ZDHHC14: variants seen among roughly 807,000 people sequenced by gnomAD.
The protein encoded by ZDHHC14 is palmitoyltransferase ZDHHC14.
Under a neutral mutation model 47.7 loss-of-function variants are expected in ZDHHC14, and 16 were observed. That is an observed-to-expected ratio of 0.34 (90% confidence interval 0.23 to 0.51). The LOEUF is 0.51. Among genes scored for constraint, ZDHHC14 ranks in the 20% least tolerant of loss-of-function variants. ZDHHC14 has a pLI of 0.97. For synonymous variants in ZDHHC14, 293 were observed against 278.9 expected, an observed-to-expected ratio of 1.05 and a Z score of -0.50; for missense variants, 515 against 662.5, an observed-to-expected ratio of 0.78 and a Z score of 2.44.
chr6:157,581,358 G>A lies in ZDHHC14; in HGVS notation c.407-11630G>A, dbSNP rs375689745. Among the ~76,000 whole-genome samples the A allele has an allele frequency of 7.3e-5, 11 of 151,706 alleles. No homozygotes were observed. The East Asian group carries it at 1.8e-3, about 24-fold the overall frequency. On this transcript the variant is annotated intron_variant, in intron 2 of 8. Coordinates refer to ENST00000359775, the MANE Select transcript of ZDHHC14 (RefSeq NM_024630.3). ...GTCTGATTGTGTGGTCAATTTAAGA[G>A]TACGTGCTATGTGGCAATCAGAAGA... is the stretch of plus-strand genomic sequence containing the variant.
At chr6:157,568,819 C>G (rs149455154) in intron 2 of ZDHHC14, among the ~76,000 whole-genome samples, 3,218 of 152,150 alleles carry the variant, frequency 0.021, 117 homozygotes, top group African/African-American at 0.073. Context: ...AACTTTTGAC[C>G]TCGCTTGTTT....
At chr6:157,630,727 A>C (rs542713106) in intron 4 of ZDHHC14, 1 of 146,740 alleles carries the variant, frequency 6.8e-6, no homozygotes, top group Admixed American at 6.8e-5. Context: ...ACACCCACAC[A>C]CCGCCTTACA....
chr6:157,522,954 C>T (rs1257860186), intron 1 of ZDHHC14, among the ~76,000 whole-genome samples: 74 of 47,194 alleles, frequency 1.6e-3, no homozygotes, highest in African/African-American at 0.011. Flanking sequence ...TCCTTCCTTC[C>T]TTCCTTCTTT....
intron 1 of ZDHHC14, among the ~76,000 whole-genome samples, chr6:157,455,550 G>A (rs1019506953): frequency 2.0e-5 from 3 of 152,164 alleles, no homozygotes; most frequent in South Asian, 2.1e-4. Flanking sequence ...CCCTGATGCC[G>A]CCGGCCTTTG....
At chr6:157,460,954 TG>T (rs959366523) in intron 1 of ZDHHC14, among the ~76,000 whole-genome samples, 2 of 152,198 alleles carry the variant, frequency 1.3e-5, no homozygotes, top group Non-Finnish European at 2.9e-5. Flanking sequence ...TATTTTTTCC[TG>T]TATAGGACAA....
At chr6:157,640,258 G>A (rs553060878) in intron 5 of ZDHHC14, among the ~76,000 whole-genome samples, 42 of 152,204 alleles carry the variant, frequency 2.8e-4, no homozygotes, top group Non-Finnish European at 5.1e-4. Flanking sequence ...CTCTTAAAAT[G>A]TGGAGAGTTT....
intron 1 of ZDHHC14, among the ~76,000 whole-genome samples, chr6:157,407,569 A>G (rs1201032030): frequency 3.3e-5 from 5 of 152,164 alleles, no homozygotes; most frequent in African/African-American, 1.2e-4. Flanking sequence ...GCCCAAACCA[A>G]GGCACTTTTC....
At chr6:157,650,667 AAG>A (rs1257997188) in intron 7 of ZDHHC14, among the ~76,000 whole-genome samples, 3 of 110,748 alleles carry the variant, frequency 2.7e-5, no homozygotes, top group African/African-American at 8.2e-5. Context: ...GAGAGAGAGC[AAG>A]AGAGAGCACG....
chr6:157,609,408 G>A (rs571710347), intron 3 of ZDHHC14, among the ~76,000 whole-genome samples: 21 of 152,228 alleles, frequency 1.4e-4, no homozygotes, highest in Non-Finnish European at 2.8e-4. Flanking sequence ...TTTGTGTAGG[G>A]TGATGGCCAC....
intron 1 of ZDHHC14, among the ~76,000 whole-genome samples, chr6:157,507,060 A>T (rs1433028302): frequency 1.3e-5 from 2 of 152,036 alleles, no homozygotes; most frequent in Admixed American, 6.5e-5. Flanking sequence ...ATATGTATGT[A>T]CTTCTCTCTT....
In ZDHHC14 at chr6:157,586,351, G is replaced by A. The variant is rs192513884; in HGVS notation, c.407-6637G>A. Among the ~76,000 whole-genome samples the A allele has an allele frequency of 2.6e-4, 40 of 152,316 alleles. No individual in the cohort carries two copies. The highest frequency in any genetic ancestry group is 1.1e-3 in the Admixed American group (17 of 15,304). ...GCCCTCAAAGGATAGGATTATCTGCGCAGACAGCAGGAGAGGGAATCCCGA... is the reference window on the plus strand; with the variant it reads ...GCCCTCAAAGGATAGGATTATCTGCACAGACAGCAGGAGAGGGAATCCCGA... On this transcript the variant is annotated intron_variant, in intron 2 of 8. Coordinates refer to ENST00000359775, the MANE Select transcript of ZDHHC14 (RefSeq NM_024630.3). This position sits in a 1 kb window ranked among gnomAD's most constrained non-coding sequence, Gnocchi z 4.6.
chr6:157,640,396 A>G (rs982342102), intron 5 of ZDHHC14, among the ~76,000 whole-genome samples: 3 of 152,128 alleles, frequency 2.0e-5, no homozygotes, highest in Non-Finnish European at 4.4e-5. Flanking sequence ...CCTAATACAC[A>G]TGGTCTGTTT....
intron 1 of ZDHHC14, among the ~76,000 whole-genome samples, chr6:157,495,066 T>A (rs113987571): frequency 0.19 from 29,494 of 151,972 alleles, 3,403 homozygotes; most frequent in African/African-American, 0.31. Context: ...TTTGGGATTT[T>A]TTTTTTTATT....
chr6:157,485,680 ATT>A (rs199734094), intron 1 of ZDHHC14, among the ~76,000 whole-genome samples: 27 of 143,830 alleles, frequency 1.9e-4, no homozygotes, highest in African/African-American at 4.6e-4. Flanking sequence ...CCTATTTCTG[ATT>A]TTTTTTTTTT....
chr6:157,649,261 G>A (rs975913180), intron 7 of ZDHHC14, among the ~76,000 whole-genome samples: 4 of 152,218 alleles, frequency 2.6e-5, no homozygotes, highest in Non-Finnish European at 4.4e-5. Flanking sequence ...AAGCGGTGTG[G>A]GGCAGCACTG....
intron 2 of ZDHHC14, among the ~76,000 whole-genome samples, chr6:157,567,160 G>T (rs1183217047): frequency 2.0e-5 from 3 of 152,020 alleles, no homozygotes; most frequent in African/African-American, 7.2e-5. Flanking sequence ...CCTAACAAGG[G>T]GGTTTTATTA....
chr6:157,469,392 C>T (rs919655228), intron 1 of ZDHHC14, among the ~76,000 whole-genome samples: 5 of 152,202 alleles, frequency 3.3e-5, no homozygotes, highest in African/African-American at 1.2e-4. Context: ...CAGTTGTGCC[C>T]TAGGTACTCC....
At chr6:157,668,699 C>CA (rs200540736) in intron 8 of ZDHHC14, among the ~76,000 whole-genome samples, 1,585 of 151,746 alleles carry the variant, frequency 0.01, 39 homozygotes, top group African/African-American at 0.036. Context: ...GACTCCATCT[C>CA]AAAAAAAACA....
intron 1 of ZDHHC14, among the ~76,000 whole-genome samples, chr6:157,505,189 T>C (rs1023124150): frequency 1.3e-5 from 2 of 152,220 alleles, no homozygotes; most frequent in African/African-American, 2.4e-5. Flanking sequence ...GGTAAAACTA[T>C]GTTTAAAAGC....
Sources: allele counts gnomAD v4.1 joint callset (sites outside exome capture counted in the v4.1 genomes callset), GRCh38; gene constraint gnomAD v4.1.1; non-coding constraint Gnocchi (gnomAD v3.1); transcripts MANE v1.5; gene names NCBI Gene and HGNC (gene_info 2026-07-23, HGNC 2026-07-21).